Variants in LRRC69 observed in about 807,000 individuals in gnomAD.
LRRC69 encodes the protein leucine rich repeat containing 69.
Under a neutral mutation model 37.8 loss-of-function variants are expected in LRRC69, and 42 were observed. The observed-to-expected ratio is 1.11, with a 90% confidence interval of 0.87 to 1.44. The LOEUF is 1.44. LRRC69 is among the 40% of genes most tolerant of loss of function. LRRC69 has a pLI of 0.00. For synonymous variants in LRRC69, 141 were observed against 143.1 expected (o/e 0.99, Z 0.11); for missense variants, 357 against 401.9 (o/e 0.89, Z 0.96).
Position 91,215,121 on chromosome 8 carries a change from A to C in LRRC69, c.934-3769A>C, listed in dbSNP as rs140202237. On this transcript the variant is annotated intron_variant, in intron 7 of 7. Transcript: ENST00000448384. ...CTAGGTAGTCCAGGGTAACTTCCTT[A>C]TCTCAAGGTCCTTAATTTAACCCAA... 1.1e-3 allele frequency among the ~76,000 whole-genome samples: 160 copies of C among 152,134 alleles called. 2 individuals carry two copies. In the East Asian group the frequency reaches 0.026, roughly 25 times the overall value.
chr8:91,194,152 T>C (rs1392106757), intron 6 of LRRC69, among the ~76,000 whole-genome samples: 2 of 118,102 alleles, frequency 1.7e-5, no homozygotes, highest in African/African-American at 6.8e-5. Context: ...ATTACATTTA[T>C]TGATTTGCGT....
Position 91,194,760 on chromosome 8 carries a change from G to A in LRRC69, c.753+5137G>A, listed in dbSNP as rs1348171766. On this transcript the variant is annotated intron_variant, in intron 6 of 7. Coordinates refer to ENST00000448384, the Ensembl canonical transcript of LRRC69. Reference sequence around the variant, plus strand: ...TTTTTCTTTATTAGTCTTGCTAGTGGTCTATCTATTTTGTTGATCCTTTCA... The same window carrying A: ...TTTTTCTTTATTAGTCTTGCTAGTGATCTATCTATTTTGTTGATCCTTTCA... 3.3e-5 allele frequency among the ~76,000 whole-genome samples: 5 copies of A among 152,186 alleles called. No individual in the cohort carries two copies. The East Asian group carries it at 7.7e-4, about 23-fold the overall frequency.
Position 91,176,134 on chromosome 8 carries a change from A to ATATATATTTT in LRRC69, c.652-13387_652-13386insATATATTTTT. On this transcript the variant is annotated intron_variant, in intron 5 of 7. Coordinates refer to ENST00000448384, the Ensembl canonical transcript of LRRC69. ...ATCCCTCATATATATATATATATAT[A>ATATATATTTT]TTTTTTTTTTTTCTTTTTTTTGAGA... 2.3e-3 allele frequency among the ~76,000 whole-genome samples: 177 copies of ATATATATTTT among 75,686 alleles called. 2 individuals carry two copies. The highest frequency in any genetic ancestry group is 0.016 in the East Asian group (46 of 2,936). 49.7% of individuals were successfully genotyped at this position (75,686 alleles called of 152,430 possible).
At position 91,187,183 on chromosome 8, in the gene LRRC69, A is replaced by G. The variant is rs566775353; in HGVS notation, c.652-2339A>G. Among the ~76,000 whole-genome samples, 5 of 152,308 alleles carry G rather than the reference A, an allele frequency of 3.3e-5. No homozygotes were observed. The East Asian group carries it at 9.7e-4, about 29-fold the overall frequency. On this transcript the variant is annotated intron_variant, in intron 5 of 7. Coordinates refer to ENST00000448384, the Ensembl canonical transcript of LRRC69. ...TCACATGCTCTAAATTTGAAGAATTAAGGTCTGGTATGGCAATGTGACCAC... is the reference window on the plus strand; with the variant it reads ...TCACATGCTCTAAATTTGAAGAATTGAGGTCTGGTATGGCAATGTGACCAC...
chr8:91,203,059 C>T (rs1255931230), intron 7 of LRRC69, among the ~76,000 whole-genome samples: 1 of 151,814 alleles, frequency 6.6e-6, no homozygotes, highest in Non-Finnish European at 1.5e-5. Flanking sequence ...GAGAAGTAGG[C>T]TTGTTGGGGA....
chr8:91,213,574 G>T (rs1204063637), intron 7 of LRRC69, among the ~76,000 whole-genome samples: 1 of 152,106 alleles, frequency 6.6e-6, no homozygotes, highest in East Asian at 1.9e-4. Flanking sequence ...GTTCCAAATG[G>T]TTTAAAATTT....
chr8:91,124,685 G>A, intron 2 of LRRC69, 66 bp downstream of exon 2: 3 of 1,342,086 alleles, frequency 2.2e-6, no homozygotes, highest in Admixed American at 3.4e-5. Flanking sequence ...AATAATATGA[G>A]ACTGAAATGA....
intron 7 of LRRC69, among the ~76,000 whole-genome samples, chr8:91,203,445 G>A (rs897263918): frequency 2.0e-5 from 3 of 150,190 alleles, no homozygotes; most frequent in African/African-American, 4.9e-5. Context: ...AGCCTAAAGT[G>A]CAGTGGTGGT....
At chr8:91,219,211 A>G (rs981788098), downstream of LRRC69, 2 of 357,014 alleles carry the variant, frequency 5.6e-6, no homozygotes, top group African/African-American at 4.2e-5. Flanking sequence ...TTTGGCTTAA[A>G]AAAGTACAAA....
intron 1 of LRRC69, among the ~76,000 whole-genome samples, chr8:91,117,892 T>C (rs1050691935): frequency 6.6e-6 from 1 of 151,174 alleles, no homozygotes. Context: ...AATTAGAGAG[T>C]GGTCAGTATG....
intron 7 of LRRC69, among the ~76,000 whole-genome samples, chr8:91,207,336 T>A (rs72666052): frequency 0.046 from 7,079 of 152,240 alleles, 251 homozygotes; most frequent in Non-Finnish European, 0.067. Flanking sequence ...CTTAGTACAG[T>A]GGGTGTTCAA....
intron 5 of LRRC69, chr8:91,157,674 T>C: frequency 6.3e-7 from 1 of 1,591,300 alleles, no homozygotes; most frequent in Non-Finnish European, 8.6e-7. Context: ...GCCTTACAGC[T>C]AGCTGATCAT....
chr8:91,137,673 C>T (rs1230237978), intron 5 of LRRC69, among the ~76,000 whole-genome samples: 1 of 151,918 alleles, frequency 6.6e-6, no homozygotes, highest in Non-Finnish European at 1.5e-5. Context: ...CTGTGTAGTA[C>T]CTATTTCAGG....
At chr8:91,163,073 C>T (rs34473824) in intron 5 of LRRC69, among the ~76,000 whole-genome samples, 7,920 of 151,138 alleles carry the variant, frequency 0.052, 292 homozygotes, top group Middle Eastern at 0.16. Flanking sequence ...TTATTTCTAT[C>T]TTATATTCCC....
At chr8:91,157,611 A>C in intron 5 of LRRC69, 1 of 1,558,022 alleles carries the variant, frequency 6.4e-7, no homozygotes, top group Non-Finnish European at 8.8e-7. Flanking sequence ...TGGATAAGGC[A>C]GATGAAGACT....
intron 5 of LRRC69, among the ~76,000 whole-genome samples, chr8:91,156,628 T>A (rs372234227): frequency 2.0e-5 from 3 of 151,102 alleles, no homozygotes; most frequent in Non-Finnish European, 4.4e-5. Flanking sequence ...GAGTATTTTT[T>A]AATTCTCTTT....
At chr8:91,214,013 T>C (rs1809989200) in intron 7 of LRRC69, among the ~76,000 whole-genome samples, 1 of 152,056 alleles carries the variant, frequency 6.6e-6, no homozygotes, top group South Asian at 2.1e-4. Context: ...CGGTGAGATA[T>C]ATATGTGTTC....
intron 1 of LRRC69, among the ~76,000 whole-genome samples, chr8:91,112,675 A>G (rs748676291): frequency 1.1e-4 from 16 of 152,068 alleles, no homozygotes; most frequent in Admixed American, 2.0e-4. Flanking sequence ...AATATCTGGT[A>G]CAAGGAAAGA....
At chr8:91,172,052 C>T (rs527432127) in intron 5 of LRRC69, among the ~76,000 whole-genome samples, 1 of 151,760 alleles carries the variant, frequency 6.6e-6, no homozygotes, top group Admixed American at 6.6e-5. Context: ...TGTAATGTAT[C>T]TTTTACATTT....
Sources: gnomAD v4.1 joint callset for allele counts (sites outside exome capture counted in the v4.1 genomes callset) on GRCh38, gnomAD v4.1.1 for gene constraint, MANE v1.5 for transcripts, NCBI Gene and HGNC (gene_info 2026-07-23, HGNC 2026-07-21) for gene names.